RAP1GAP2: variants seen among roughly 807,000 people sequenced by gnomAD.
The protein encoded by RAP1GAP2 is RAP1 GTPase activating protein 2, also known as rap1 GTPase-activating protein 2.
In RAP1GAP2, 27 loss-of-function variants were observed where a neutral mutation model predicts 95.0. The ratio of observed to expected loss-of-function variants is 0.28; its 90% CI spans 0.21 to 0.39. RAP1GAP2 has a LOEUF of 0.39. RAP1GAP2 is among the 10% of genes least tolerant of loss of function. RAP1GAP2 has a pLI of 1.00. For synonymous variants in RAP1GAP2, 373 were observed against 380.9 expected (o/e 0.98, Z 0.24); for missense variants, 771 against 970.0 (o/e 0.79, Z 2.72).
At chr17:2,770,337 A>G in exon 2 of RAP1GAP2, 1 of 398,672 alleles carries the variant, frequency 2.5e-6, no homozygotes, top group Non-Finnish European at 4.4e-6. Flanking sequence ...AGGTACGTGC[A>G]GGAAGGGCGG....
At chr17:2,966,912 A>G (rs2044627064) in intron 8 of RAP1GAP2, among the ~76,000 whole-genome samples, 1 of 152,210 alleles carries the variant, frequency 6.6e-6, no homozygotes, top group African/African-American at 2.4e-5. Flanking sequence ...TGTATCCTCC[A>G]TTAGGACTGG....
chr17:2,806,393 T>TATTATTA (rs1198391331), intron 2 of RAP1GAP2, among the ~76,000 whole-genome samples: 35 of 148,328 alleles, frequency 2.4e-4, no homozygotes, highest in African/African-American at 8.4e-4. Flanking sequence ...TTATTATTAT[T>TATTATTA]ATTATTATTA....
chr17:3,032,713 C>T (rs978118714), intron 24 of RAP1GAP2, among the ~76,000 whole-genome samples: 8 of 151,574 alleles, frequency 5.3e-5, no homozygotes, highest in Admixed American at 4.6e-4. Flanking sequence ...GTCTGGTTCC[C>T]GCAGGCAGAA....
intron 14 of RAP1GAP2, among the ~76,000 whole-genome samples, chr17:3,002,031 T>C (rs962476657): frequency 4.0e-5 from 6 of 151,688 alleles, no homozygotes; most frequent in African/African-American, 1.5e-4. Flanking sequence ...GGTGTGATCT[T>C]GGCTCACTGC....
intron 3 of RAP1GAP2, among the ~76,000 whole-genome samples, chr17:2,934,494 C>T (rs1163453445): frequency 3.9e-5 from 6 of 152,154 alleles, no homozygotes; most frequent in African/African-American, 4.8e-5. Flanking sequence ...TTCCCCATTG[C>T]GCAGAGAAGA....
chr17:2,831,876 C>T (rs1482218742), intron 2 of RAP1GAP2, among the ~76,000 whole-genome samples: 1 of 152,020 alleles, frequency 6.6e-6, no homozygotes, highest in Admixed American at 6.6e-5. Context: ...GGCTGGGTGA[C>T]AGAGTGAGAC....
chr17:2,865,935 A>G (rs1035600118), intron 2 of RAP1GAP2, among the ~76,000 whole-genome samples: 5 of 152,088 alleles, frequency 3.3e-5, no homozygotes, highest in African/African-American at 1.2e-4. Flanking sequence ...ACGTTCATTC[A>G]CTCATTCAGT....
intron 2 of RAP1GAP2, among the ~76,000 whole-genome samples, chr17:2,823,010 A>C (rs1006338921): frequency 6.6e-6 from 1 of 152,206 alleles, no homozygotes; most frequent in East Asian, 1.9e-4. Context: ...TTACTCAGGG[A>C]GTGCTGCTTC....
intron 2 of RAP1GAP2, among the ~76,000 whole-genome samples, chr17:2,828,373 G>A (rs377027465): frequency 1.3e-5 from 2 of 150,566 alleles, no homozygotes; most frequent in Admixed American, 6.6e-5. Flanking sequence ...ATAATACTGC[G>A]ATTTCCTAGC....
rs1287668094 is a variant in RAP1GAP2, at chr17:2,857,078, G to A, written c.81-48206G>A. On this transcript the variant is annotated intron_variant, in intron 2 of 24. Transcript: ENST00000254695. The surrounding 1 kb of genome is among the most constrained non-coding windows in gnomAD (Gnocchi z 4.0). ...AAGCATCCCCCATACTCCATGCTGG[G>A]CGTTACATTTGATGAGCTCTTCCTT... Among the ~76,000 whole-genome samples, 1 of 152,186 alleles carries A rather than the reference G, an allele frequency of 6.6e-6. No homozygotes were observed. The highest frequency in any genetic ancestry group is 1.5e-5 in the Non-Finnish European group (1 of 68,032).
chr17:2,995,472 C>G lies in RAP1GAP2; in HGVS notation c.1044+6C>G. Reference sequence around the variant, plus strand: ...CCGACGGAGACGCCCAGCAGGTAACCTGGTTTGGGAGGGCTTTGGGAGCCC... The same window carrying G: ...CCGACGGAGACGCCCAGCAGGTAACGTGGTTTGGGAGGGCTTTGGGAGCCC... On this transcript the variant is annotated splice_donor_region_variant and intron_variant, in intron 13 of 24. Coordinates refer to ENST00000254695, the MANE Select transcript of RAP1GAP2 (RefSeq NM_015085.5). 1 of 1,613,530 alleles carries G rather than the reference C, an allele frequency of 6.2e-7. No homozygotes were observed. The highest frequency in any genetic ancestry group is 1.1e-5 in the South Asian group (1 of 91,076).
intron 17 of RAP1GAP2, among the ~76,000 whole-genome samples, chr17:3,011,287 T>C (rs1020087617): frequency 6.6e-6 from 1 of 152,176 alleles, no homozygotes; most frequent in Non-Finnish European, 1.5e-5. Context: ...TCCCTGTCCC[T>C]TTCGTCATTG....
At chr17:2,962,888 C>A in intron 5 of RAP1GAP2, 174 bp downstream of exon 5, 1 of 633,310 alleles carries the variant, frequency 1.6e-6, no homozygotes, top group Non-Finnish European at 2.6e-6. Context: ...CGGTGGGCAG[C>A]AGAGGGGTCC....
intron 3 of RAP1GAP2, among the ~76,000 whole-genome samples, chr17:2,914,826 C>G (rs1330872626): frequency 1.4e-5 from 2 of 141,822 alleles, no homozygotes; most frequent in African/African-American, 5.3e-5. Context: ...GAGCCTTGCT[C>G]TGTCACCCAG....
intron 2 of RAP1GAP2, among the ~76,000 whole-genome samples, chr17:2,847,130 T>A (rs1452998594): frequency 6.6e-6 from 1 of 152,190 alleles, no homozygotes; most frequent in African/African-American, 2.4e-5. Context: ...TGCCTCAGCC[T>A]CCCGAGTAGC....
intron 2 of RAP1GAP2, among the ~76,000 whole-genome samples, chr17:2,838,665 T>C (rs536039624): frequency 2.0e-5 from 3 of 152,204 alleles, no homozygotes; most frequent in African/African-American, 7.2e-5. Context: ...ATTGGATGAA[T>C]TGGCGCAGTG....
intron 2 of RAP1GAP2, among the ~76,000 whole-genome samples, chr17:2,817,523 AGT>A (rs1491320392): frequency 5.6e-5 from 6 of 107,458 alleles, no homozygotes; most frequent in Admixed American, 1.8e-4. Flanking sequence ...TTCTATGTAT[AGT>A]TTTTTTTTTT....
intron 2 of RAP1GAP2, among the ~76,000 whole-genome samples, chr17:2,888,176 A>G (rs1341297895): frequency 6.6e-6 from 1 of 152,174 alleles, no homozygotes; most frequent in African/African-American, 2.4e-5. Context: ...TTTTGGGGGT[A>G]CAGTGTGATA....
chr17:2,864,160 C>A (rs557156456), intron 2 of RAP1GAP2, among the ~76,000 whole-genome samples: 1 of 152,154 alleles, frequency 6.6e-6, no homozygotes, highest in East Asian at 1.9e-4. Flanking sequence ...CAGCAGCAGC[C>A]CTGCCACCTA....
Sources: allele counts gnomAD v4.1 joint callset (sites outside exome capture counted in the v4.1 genomes callset), GRCh38; gene constraint gnomAD v4.1.1; non-coding constraint Gnocchi (gnomAD v3.1); transcripts MANE v1.5; gene names NCBI Gene and HGNC (gene_info 2026-07-23, HGNC 2026-07-21).